Variants in AFG1L observed in about 807,000 individuals in gnomAD.
AFG1L encodes the protein AFG1-like ATPase.
AFG1L carries 53 observed loss-of-function variants against 62.2 expected under a neutral mutation model. That is an observed-to-expected ratio of 0.85 (90% CI 0.68 to 1.07). The LOEUF is 1.07. Ranked by LOEUF, AFG1L falls within the 50% of genes least tolerant of loss-of-function variation. AFG1L has a pLI of 0.00. For synonymous variants in AFG1L, 228 were observed against 210.3 expected (o/e 1.08, Z -0.73); for missense variants, 555 against 590.5 (o/e 0.94, Z 0.62).
chr6:108,344,144 C>T (rs535559070), intron 2 of AFG1L, among the ~76,000 whole-genome samples: 18 of 152,222 alleles, frequency 1.2e-4, no homozygotes, highest in Non-Finnish European at 2.6e-4. Context: ...GATGGAGTCT[C>T]GTTCTGTTGC....
intron 7 of AFG1L, among the ~76,000 whole-genome samples, chr6:108,412,135 C>T (rs1007546394): frequency 5.3e-5 from 8 of 151,912 alleles, no homozygotes; most frequent in Non-Finnish European, 1.0e-4. Context: ...CTTCAATGGC[C>T]GATTTGATCA....
At chr6:108,306,941 A>G (rs1220385636) in intron 1 of AFG1L, among the ~76,000 whole-genome samples, 1 of 152,188 alleles carries the variant, frequency 6.6e-6, no homozygotes, top group African/African-American at 2.4e-5. Context: ...TAGAGTTATT[A>G]AAACAGGTCT....
Position 108,320,040 on chromosome 6 carries a change from T to C in AFG1L, c.140-3785T>C, listed in dbSNP as rs941433545. On this transcript the variant is annotated intron_variant, in intron 1 of 12. Coordinates refer to ENST00000368977, the MANE Select transcript of AFG1L (RefSeq NM_145315.5). Reference sequence around the variant, plus strand: ...TGAGGATTCTATGGAAGATTTTGTATGTAAAAAAGGTACAGCTATTAAAAA... The same window carrying C: ...TGAGGATTCTATGGAAGATTTTGTACGTAAAAAAGGTACAGCTATTAAAAA... 3.3e-5 allele frequency among the ~76,000 whole-genome samples: 5 copies of C among 152,120 alleles called. No individual in the cohort carries two copies. In the South Asian group the frequency reaches 6.2e-4, roughly 19 times the overall value.
chr6:108,408,689 G>T (rs1781970920), intron 7 of AFG1L, among the ~76,000 whole-genome samples: 1 of 152,128 alleles, frequency 6.6e-6, no homozygotes, highest in South Asian at 2.1e-4. Context: ...GTATCAGCTG[G>T]TTCACATGTT....
At chr6:108,479,714 G>T (rs1292833790) in intron 10 of AFG1L, among the ~76,000 whole-genome samples, 1 of 152,110 alleles carries the variant, frequency 6.6e-6, no homozygotes, top group Non-Finnish European at 1.5e-5. Flanking sequence ...TATGAGCCAG[G>T]CTAAATAATT....
chr6:108,325,620 G>A (rs1453747311), intron 2 of AFG1L, among the ~76,000 whole-genome samples: 1 of 151,468 alleles, frequency 6.6e-6, no homozygotes, highest in East Asian at 1.9e-4. Context: ...TGAGTAGCTG[G>A]GATTACAGGC....
intron 11 of AFG1L, among the ~76,000 whole-genome samples, chr6:108,512,095 G>A (rs1289113804): frequency 6.6e-6 from 1 of 152,204 alleles, no homozygotes; most frequent in East Asian, 1.9e-4. Flanking sequence ...CCAGATTCCA[G>A]AGCTCACCCA....
At chr6:108,300,032 CTTT>C (rs1776918576) in intron 1 of AFG1L, among the ~76,000 whole-genome samples, 1 of 152,044 alleles carries the variant, frequency 6.6e-6, no homozygotes, top group African/African-American at 2.4e-5. Flanking sequence ...CTTATGATTT[CTTT>C]TTATTATGCT....
intron 1 of AFG1L, among the ~76,000 whole-genome samples, chr6:108,296,061 G>A (rs1008452818): frequency 2.0e-5 from 3 of 152,084 alleles, no homozygotes; most frequent in Admixed American, 1.3e-4. Context: ...TAGATTGATA[G>A]ACCTTAATAA....
chr6:108,449,936 C>T (rs377662163), intron 8 of AFG1L, among the ~76,000 whole-genome samples: 1 of 152,090 alleles, frequency 6.6e-6, no homozygotes, highest in African/African-American at 2.4e-5. Flanking sequence ...TGAACTCATC[C>T]TTTTTTATGG....
At chr6:108,377,663 G>A (rs1335927506) in intron 6 of AFG1L, among the ~76,000 whole-genome samples, 1 of 151,960 alleles carries the variant, frequency 6.6e-6, no homozygotes, top group Non-Finnish European at 1.5e-5. Flanking sequence ...CTTTTCTCTA[G>A]CTGCCTTTAA....
intron 2 of AFG1L, among the ~76,000 whole-genome samples, chr6:108,325,342 C>T (rs1045504917): frequency 3.3e-5 from 5 of 152,028 alleles, no homozygotes; most frequent in South Asian, 4.2e-4. Context: ...GTATTTGTTA[C>T]GAGATATCTG....
intron 10 of AFG1L, among the ~76,000 whole-genome samples, chr6:108,490,228 G>T (rs892092631): frequency 2.6e-5 from 4 of 152,076 alleles, no homozygotes; most frequent in Non-Finnish European, 5.9e-5. Context: ...GTGTGGTGGC[G>T]CATGCCTTTT....
At chr6:108,438,537 A>G (rs1771407409) in intron 7 of AFG1L, among the ~76,000 whole-genome samples, 2 of 152,174 alleles carry the variant, frequency 1.3e-5, no homozygotes, top group African/African-American at 4.8e-5. Context: ...AATTAAGCCC[A>G]TAATATTACT....
In AFG1L at chr6:108,525,415, A is replaced by T. The variant is rs1029893299; in HGVS notation, c.*2990A>T. 1.3e-5 allele frequency: 2 copies of T among 152,186 alleles called. No individual in the cohort carries two copies. Among genetic ancestry groups the T allele is most frequent in the Non-Finnish European group, 2.9e-5 (2 of 68,042 alleles). The allele number at this position is 152,186 out of a possible 1,614,324, so 9.4% of individuals were successfully genotyped here. On this transcript the variant is annotated 3_prime_UTR_variant, in exon 13 of 13. Transcript: ENST00000368977. ...ATCAAATTTATGCATTTTCAGTGGG[A>T]CTTCAAATTTTAATAATAAGGCAAT...
chr6:108,314,935 T>C (rs1777535820), intron 1 of AFG1L, among the ~76,000 whole-genome samples: 1 of 152,026 alleles, frequency 6.6e-6, no homozygotes, highest in Admixed American at 6.6e-5. Context: ...GCCTCCTGGG[T>C]TCAAGTGATT....
chr6:108,348,039 A>G (rs1778933956), intron 3 of AFG1L, among the ~76,000 whole-genome samples: 2 of 152,168 alleles, frequency 1.3e-5, no homozygotes. Context: ...AAAAGAAAAA[A>G]AAAGGGCATT....
chr6:108,414,949 G>C (rs1049152241), intron 7 of AFG1L, among the ~76,000 whole-genome samples: 1 of 152,060 alleles, frequency 6.6e-6, no homozygotes, highest in Non-Finnish European at 1.5e-5. Context: ...AGAAATAAAG[G>C]GTATTCAATT....
chr6:108,431,022 A>G (rs1771046253), intron 7 of AFG1L, among the ~76,000 whole-genome samples: 1 of 152,260 alleles, frequency 6.6e-6, no homozygotes, highest in African/African-American at 2.4e-5. Flanking sequence ...ACCTTAGATC[A>G]TTCACATCAG....
Sources: gnomAD v4.1 joint callset for allele counts (sites outside exome capture counted in the v4.1 genomes callset) on GRCh38, gnomAD v4.1.1 for gene constraint, MANE v1.5 for transcripts, NCBI Gene and HGNC (gene_info 2026-07-23, HGNC 2026-07-21) for gene names.